CDC45: variants seen among roughly 807,000 people sequenced by gnomAD.
CDC45 encodes the protein cell division cycle 45.
A neutral mutation model predicts 77.8 loss-of-function variants in CDC45; 54 were observed. The ratio of observed to expected loss-of-function variants is 0.69; its 90% confidence interval spans 0.56 to 0.87. CDC45 has a LOEUF of 0.87. Among genes scored for constraint, CDC45 ranks in the 40% least tolerant of loss-of-function variants. CDC45 has a pLI of 0.00. For missense variants in CDC45, 649 were observed against 721.6 expected (o/e 0.90, Z 1.15); for synonymous variants, 260 against 272.1 (o/e 0.96, Z 0.44).
intron 10 of CDC45, among the ~76,000 whole-genome samples, chr22:19,505,820 CT>C (rs1227949353): frequency 2.0e-5 from 3 of 152,136 alleles, no homozygotes; most frequent in Admixed American, 2.0e-4. Flanking sequence ...CGTGACGTGT[CT>C]TTTGAGAAGC....
At position 19,505,549 on chromosome 22, in the gene CDC45, C is replaced by T. The variant is rs139949140; in HGVS notation, c.824+68C>T. The T allele has an allele frequency of 2.8e-4, 442 of 1,578,786 alleles. 4 individuals are homozygous for T. The East Asian group carries it at 9.4e-3, about 33-fold the overall frequency. ...GCTCAGCAGGCCTTGTTTGCTTTGT[C>T]ACCCTCTGTGGGTTCTGGCCACATC... On this transcript the variant is annotated intron_variant, in intron 10 of 18. Coordinates refer to ENST00000263201, the MANE Select transcript of CDC45 (RefSeq NM_003504.5).
chr22:19,507,401 C>T lies in CDC45; in HGVS notation c.840C>T (p.Leu280=), dbSNP rs781755796. The T allele has an allele frequency of 8.7e-6, 14 of 1,614,080 alleles. No individual in the cohort carries two copies. Among genetic ancestry groups the T allele is most frequent in the Non-Finnish European group, 1.1e-5 (13 of 1,180,038 alleles). Residue 280 remains leucine (L), a synonymous_variant, in exon 11 of 19, where the codon CTC becomes CTT. Coordinates refer to ENST00000263201, the MANE Select transcript of CDC45 (RefSeq NM_003504.5). ...ISFEYDLRLV[L]YQHWSLHDSL... is the part of the protein sequence containing the mutation. ...GCAGGCCCAGCCTCCGCCTGGTGCT[C>T]TACCAGCACTGGTCCCTCCATGACA...
At chr22:19,511,651 A>G (rs535447334) in intron 13 of CDC45, among the ~76,000 whole-genome samples, 1 of 152,244 alleles carries the variant, frequency 6.6e-6, no homozygotes, top group Non-Finnish European at 1.5e-5. Flanking sequence ...TATATTCTAC[A>G]TACAAATCCC....
intron 9 of CDC45, 137 bp downstream of exon 9, chr22:19,499,288 G>T (rs904703064): frequency 5.7e-5 from 48 of 838,134 alleles, no homozygotes; most frequent in Non-Finnish European, 2.1e-5. Flanking sequence ...TCCTCCTTGG[G>T]CCCAAGCATT....
chr22:19,518,256 C>T (rs953743087), intron 17 of CDC45, among the ~76,000 whole-genome samples: 2 of 152,172 alleles, frequency 1.3e-5, no homozygotes, highest in Admixed American at 6.5e-5. Flanking sequence ...ATGTCTAGTG[C>T]CCACCTGCGT....
chr22:19,509,127 CT>C (rs1181940715), intron 13 of CDC45, among the ~76,000 whole-genome samples: 2 of 151,866 alleles, frequency 1.3e-5, no homozygotes, highest in East Asian at 1.9e-4. Context: ...CAATTTGGAT[CT>C]TTTTTTTAGC....
chr22:19,516,402 C>T (rs1309046393), intron 15 of CDC45, 125 bp from the exon 16 acceptor site: 5 of 781,702 alleles, frequency 6.4e-6, no homozygotes, highest in Admixed American at 2.0e-5. Context: ...ACCAAGGCGT[C>T]TCCTGGTGAC....
At chr22:19,517,565 C>A (rs958650702) in intron 17 of CDC45, among the ~76,000 whole-genome samples, 1 of 152,232 alleles carries the variant, frequency 6.6e-6, no homozygotes, top group Admixed American at 6.5e-5. Flanking sequence ...GTGCCACAGA[C>A]AGGGTGGCTT....
At chr22:19,480,910 A>G (rs760249554) in intron 2 of CDC45, 43 bp from the exon 3 acceptor site, 13 of 1,259,008 alleles carry the variant, frequency 1.0e-5, no homozygotes, top group African/African-American at 8.9e-5. Flanking sequence ...GTAAATTGCT[A>G]ATGTCCTAAA....
At chr22:19,501,392 C>A (rs573555974) in intron 9 of CDC45, among the ~76,000 whole-genome samples, 1 of 152,080 alleles carries the variant, frequency 6.6e-6, no homozygotes, top group East Asian at 1.9e-4. Flanking sequence ...ATAAACTGCT[C>A]GCAGCAAAGA....
rs548548363 is a variant in CDC45 at position 19,487,064 on chromosome 22, C to T, written c.486+3059C>T. 1.7e-4 allele frequency among the ~76,000 whole-genome samples: 26 copies of T among 151,962 alleles called. No individual in the cohort carries two copies. In the South Asian group the frequency reaches 4.4e-3, roughly 25 times the overall value. On this transcript the variant is annotated intron_variant, in intron 5 of 18. Transcript: ENST00000263201. ...ATCCCAACACTTTGGGAGGCCAAGG[C>T]GGGTGAATCACCTGAGGTCAGGAGT...
intron 5 of CDC45, among the ~76,000 whole-genome samples, chr22:19,484,525 C>T (rs906227711): frequency 6.6e-6 from 1 of 152,218 alleles, no homozygotes; most frequent in African/African-American, 2.4e-5. Context: ...GCCTACCCAA[C>T]ACTACGGCTT....
intron 5 of CDC45, among the ~76,000 whole-genome samples, chr22:19,493,239 GTTGTT>G (rs60107800): frequency 5.6e-4 from 82 of 146,900 alleles, no homozygotes; most frequent in Non-Finnish European, 9.8e-4. Flanking sequence ...TTTTTTTTTT[GTTGTT>G]TTGTTTTGTT....
chr22:19,507,248 G>A (rs1933243456), intron 10 of CDC45, 138 bp from the exon 11 acceptor site: 1 of 1,008,116 alleles, frequency 9.9e-7, no homozygotes, highest in Admixed American at 2.3e-5. Context: ...AGGGCTCCAG[G>A]TCACTCTTGG....
intron 5 of CDC45, among the ~76,000 whole-genome samples, chr22:19,484,961 C>T (rs946369857): frequency 2.0e-5 from 3 of 151,176 alleles, no homozygotes; most frequent in African/African-American, 7.3e-5. Flanking sequence ...TTTCCCCAGA[C>T]GGGGTCTCTC....
intron 4 of CDC45, 122 bp downstream of exon 4, chr22:19,482,949 C>G: frequency 1.1e-5 from 8 of 716,590 alleles, no homozygotes; most frequent in Non-Finnish European, 1.9e-5. Flanking sequence ...AGCCTGAACA[C>G]AAGAACTTGG....
rs369554602 is a variant in CDC45 at position 19,508,544 on chromosome 22, G to A, written c.1070G>A (p.Arg357His). The A allele has an allele frequency of 2.4e-5, 39 of 1,614,210 alleles. No homozygotes were observed. In the South Asian group the frequency reaches 3.6e-4, roughly 15 times the overall value. Residue 357 changes from arginine to histidine, a missense_variant, in exon 13 of 19, where the codon CGC (arginine) becomes CAC (histidine). Transcript: ENST00000263201. ...SANKFGMKDM[R>H]VQTFSIHFGF... is the part of the protein sequence containing the mutation. ...TCCCATGACAGGATGAAGGACATGC[G>A]CGTGCAGACTTTCAGCATTCATTTT...
At chr22:19,488,852 A>G (rs1290286665) in intron 5 of CDC45, among the ~76,000 whole-genome samples, 1 of 152,220 alleles carries the variant, frequency 6.6e-6, no homozygotes, top group Middle Eastern at 3.2e-3. Flanking sequence ...AGTTGTAAGA[A>G]GTAATATAGA....
At position 19,520,115 on chromosome 22, in the gene CDC45, G is replaced by T. The variant is rs1166060690; in HGVS notation, c.*2-366G>T. The stretch of plus-strand genomic sequence containing the variant: ...TGCTTGGTGGTGATGTTATGCTGCT[G>T]TGTGTCCTTCCACTGAGGCAGGGGC... On this transcript the variant is annotated intron_variant, in intron 18 of 18. Coordinates refer to ENST00000263201, the MANE Select transcript of CDC45 (RefSeq NM_003504.5). The surrounding 1 kb of genome is among the most constrained non-coding windows in gnomAD (Gnocchi z 4.5). 2.0e-5 allele frequency among the ~76,000 whole-genome samples: 3 copies of T among 152,190 alleles called. No homozygotes were observed. The highest frequency in any genetic ancestry group is 2.0e-4 in the Admixed American group (3 of 15,280).
Sources: allele counts gnomAD v4.1 joint callset (sites outside exome capture counted in the v4.1 genomes callset), GRCh38; gene constraint gnomAD v4.1.1; non-coding constraint Gnocchi (gnomAD v3.1); transcripts MANE v1.5; gene names NCBI Gene and HGNC (gene_info 2026-07-23, HGNC 2026-07-21).